CYTH1: variants seen among roughly 807,000 people sequenced by gnomAD.
CYTH1 encodes cytohesin 1.
In CYTH1, 18 loss-of-function variants were observed where a neutral mutation model predicts 61.8. The ratio of observed to expected loss-of-function variants is 0.29; its 90% CI spans 0.20 to 0.43. The LOEUF is 0.43. Ranked by LOEUF, CYTH1 falls within the 20% of genes least tolerant of loss-of-function variation. The pLI is 1.00. For missense variants in CYTH1, 336 were observed against 510.5 expected, an observed-to-expected ratio of 0.66 and a Z score of 3.29; for synonymous variants, 174 against 184.3, an observed-to-expected ratio of 0.94 and a Z score of 0.45.
chr17:78,690,487 C>A (rs2092872324), intron 11 of CYTH1, among the ~76,000 whole-genome samples: 1 of 147,776 alleles, frequency 6.8e-6, no homozygotes, highest in Non-Finnish European at 1.5e-5. Flanking sequence ...CAAGACCAGC[C>A]TGGCCAACAT....
intron 1 of CYTH1, among the ~76,000 whole-genome samples, chr17:78,742,565 T>C (rs2093345560): frequency 6.6e-6 from 1 of 151,728 alleles, no homozygotes; most frequent in South Asian, 2.1e-4. Context: ...GTCTCAAAAA[T>C]AAATAGGCCG....
At chr17:78,730,094 G>A (rs769454060) in intron 1 of CYTH1, among the ~76,000 whole-genome samples, 1 of 152,106 alleles carries the variant, frequency 6.6e-6, no homozygotes, top group Non-Finnish European at 1.5e-5. Flanking sequence ...TGCCCATGAA[G>A]TGCCTGTTGT....
chr17:78,689,102 C>T (rs913448015), intron 11 of CYTH1, among the ~76,000 whole-genome samples: 6 of 152,074 alleles, frequency 3.9e-5, no homozygotes, highest in Admixed American at 2.0e-4. Context: ...AATAAAATAA[C>T]GGGCAGGCCA....
At chr17:78,750,426 C>T (rs751798979) in intron 1 of CYTH1, among the ~76,000 whole-genome samples, 3 of 152,134 alleles carry the variant, frequency 2.0e-5, no homozygotes, top group Non-Finnish European at 4.4e-5. Flanking sequence ...TCAAATGTGG[C>T]ACTGGGATGT....
intron 1 of CYTH1, among the ~76,000 whole-genome samples, chr17:78,761,695 G>A (rs1399372925): frequency 2.0e-5 from 3 of 152,116 alleles, no homozygotes; most frequent in East Asian, 1.9e-4. Flanking sequence ...ACGAGATCAC[G>A]CCACTGCACT....
At chr17:78,751,515 T>C (rs1253646499) in intron 1 of CYTH1, among the ~76,000 whole-genome samples, 1 of 151,012 alleles carries the variant, frequency 6.6e-6, no homozygotes, top group Admixed American at 6.6e-5. Flanking sequence ...CACATAAAGG[T>C]CATTTGTTTA....
chr17:78,718,978 G>T (rs2093206044), intron 1 of CYTH1, among the ~76,000 whole-genome samples: 1 of 152,234 alleles, frequency 6.6e-6, no homozygotes, highest in Admixed American at 6.5e-5. Flanking sequence ...GTACAACACT[G>T]AAGAGACAGA....
chr17:78,688,613 C>T (rs746603670), intron 11 of CYTH1, among the ~76,000 whole-genome samples: 2 of 152,208 alleles, frequency 1.3e-5, no homozygotes, highest in South Asian at 2.1e-4. Flanking sequence ...TTTGGCAATG[C>T]GGTTAGACAC....
At position 78,698,226 on chromosome 17, in the gene CYTH1, C is replaced by T. The variant is rs541356218; in HGVS notation, c.811+43G>A. 3.7e-5 allele frequency: 56 copies of T among 1,526,864 alleles called. No homozygotes were observed. The South Asian group carries it at 5.8e-4, about 16-fold the overall frequency. 94.6% of individuals were successfully genotyped at this position (1,526,864 alleles called of 1,614,324 possible). A position where few individuals can be genotyped will look rare whatever the true frequency, so the allele number is the denominator to read the frequency against. The stretch of plus-strand genomic sequence containing the variant: ...ACACGCACACACACCGCCTTTCTTC[C>T]TAAGTCTCAGCTTTAGGAGCCCTGA... On this transcript the variant is annotated intron_variant, in intron 9 of 13. Coordinates refer to ENST00000446868, the MANE Select transcript of CYTH1 (RefSeq NM_004762.6).
At chr17:78,677,258 TG>T in intron 13 of CYTH1, 1 of 370,454 alleles carries the variant, frequency 2.7e-6, no homozygotes, top group Non-Finnish European at 5.4e-6. Flanking sequence ...CTTGGCTTCC[TG>T]GGTAGGCCAA....
chr17:78,675,920 T>A lies in CYTH1; in HGVS notation c.*171A>T. On this transcript the variant is annotated 3_prime_UTR_variant, in exon 14 of 14. Coordinates refer to ENST00000446868, the MANE Select transcript of CYTH1 (RefSeq NM_004762.6). Reference sequence around the variant, plus strand: ...CGGTCCTCTCTTCCCCAGTGATAACTGCCCACCCTTCTCCCACTTAAAAAA... The same window carrying A: ...CGGTCCTCTCTTCCCCAGTGATAACAGCCCACCCTTCTCCCACTTAAAAAA... 1 of 1,539,184 alleles carries A rather than the reference T, an allele frequency of 6.5e-7. No individual in the cohort carries two copies.
At chr17:78,750,104 G>A (rs948537478) in intron 1 of CYTH1, among the ~76,000 whole-genome samples, 1 of 152,132 alleles carries the variant, frequency 6.6e-6, no homozygotes, top group Non-Finnish European at 1.5e-5. Context: ...CATCAGCTAC[G>A]GGAAGCTCAT....
At chr17:78,709,194 T>C (rs2093101136) in intron 2 of CYTH1, 1 of 159,428 alleles carries the variant, frequency 6.3e-6, no homozygotes, top group African/African-American at 2.4e-5. Context: ...AGCAGGTGTT[T>C]TCATGATCTG....
intron 3 of CYTH1, among the ~76,000 whole-genome samples, chr17:78,705,384 A>C (rs757456373): frequency 6.6e-6 from 1 of 152,102 alleles, no homozygotes; most frequent in African/African-American, 2.4e-5. Flanking sequence ...TACTTCTCTA[A>C]GTGGCTTTCC....
intron 1 of CYTH1, among the ~76,000 whole-genome samples, chr17:78,749,465 C>CA (rs35361840): frequency 6.6e-6 from 1 of 150,812 alleles, no homozygotes; most frequent in African/African-American, 2.4e-5. Context: ...ATCCCCCCTA[C>CA]AAAAAAAAAT....
intron 1 of CYTH1, among the ~76,000 whole-genome samples, chr17:78,775,097 C>G (rs1275536975): frequency 1.3e-5 from 2 of 152,216 alleles, no homozygotes; most frequent in East Asian, 3.9e-4. Context: ...GTCACCCCAG[C>G]TCCCGAGGCA....
intron 1 of CYTH1, among the ~76,000 whole-genome samples, chr17:78,759,169 G>A (rs1008038381): frequency 6.6e-6 from 1 of 152,072 alleles, no homozygotes; most frequent in Non-Finnish European, 1.5e-5. Flanking sequence ...AAGTAAGAAG[G>A]GCACAATTGT....
Position 78,722,659 on chromosome 17 carries a change from A to G in CYTH1, c.23-12927T>C, listed in dbSNP as rs971467145. Among the ~76,000 whole-genome samples the G allele has an allele frequency of 2.6e-5, 4 of 152,330 alleles. No homozygotes were observed. The South Asian group carries it at 8.3e-4, about 32-fold the overall frequency. Reference sequence around the variant, plus strand: ...TCTCTCACTTTACCCTCAGTGGCTCAGATCTGTTTGTTTGCTAGCCCTTTG... The same window carrying G: ...TCTCTCACTTTACCCTCAGTGGCTCGGATCTGTTTGTTTGCTAGCCCTTTG... On this transcript the variant is annotated intron_variant, in intron 1 of 13. Transcript: ENST00000446868.
At chr17:78,684,083 G>A (rs972422435) in intron 11 of CYTH1, among the ~76,000 whole-genome samples, 1 of 152,164 alleles carries the variant, frequency 6.6e-6, no homozygotes, top group African/African-American at 2.4e-5. Context: ...TCTTCAGCCT[G>A]GGAGTGGGGA....
Sources: allele counts gnomAD v4.1 joint callset (sites outside exome capture counted in the v4.1 genomes callset), GRCh38; gene constraint gnomAD v4.1.1; transcripts MANE v1.5; gene names NCBI Gene and HGNC (gene_info 2026-07-23, HGNC 2026-07-21).